The following NUP160 variants were observed in gnomAD, a reference collection of about 807,000 sequenced individuals.
NUP160 encodes nucleoporin 160.
Under a neutral mutation model 196.9 loss-of-function variants are expected in NUP160, and 94 were observed. That is an observed-to-expected ratio of 0.48 (90% confidence interval 0.40 to 0.57). The LOEUF (loss-of-function observed/expected upper bound fraction) is 0.57, where lower values mean the gene tolerates loss of function less well. Ranked by LOEUF, NUP160 falls within the 20% of genes least tolerant of loss-of-function variation. NUP160 has a pLI of 0.00. For missense variants in NUP160, 1,638 were observed against 1,748.3 expected, an observed-to-expected ratio of 0.94 and a Z score of 1.13; for synonymous variants, 605 against 619.7, an observed-to-expected ratio of 0.98 and a Z score of 0.35.
intron 13 of NUP160, among the ~76,000 whole-genome samples, chr11:47,813,972 G>A (rs1261447910): frequency 6.7e-6 from 1 of 149,366 alleles, no homozygotes; most frequent in East Asian, 2.0e-4. Flanking sequence ...TGGTGAGGCT[G>A]AGGCAGGAGA....
At chr11:47,814,355 C>A (rs2097683029) in intron 13 of NUP160, among the ~76,000 whole-genome samples, 1 of 151,484 alleles carries the variant, frequency 6.6e-6, no homozygotes, top group Non-Finnish European at 1.5e-5. Context: ...AGCCTGGTCA[C>A]AACATGGCGA....
chr11:47,819,380 G>A (rs755315268), exon 10 of NUP160: 1 of 1,605,868 alleles, frequency 6.2e-7, no homozygotes, highest in South Asian at 1.1e-5. Flanking sequence ...TTACTCTGGG[G>A]TCTTGATCAT....
At chr11:47,814,477 G>A (rs1250802639) in intron 13 of NUP160, among the ~76,000 whole-genome samples, 2 of 151,090 alleles carry the variant, frequency 1.3e-5, no homozygotes, top group Non-Finnish European at 2.9e-5. Flanking sequence ...GTAGGCGGAG[G>A]TTGCAGTGAG....
rs765124331 is a variant in NUP160 at position 47,815,950 on chromosome 11, T to C, written c.1511A>G (p.Asn504Ser). 6 of 1,611,786 alleles carry C rather than the reference T, an allele frequency of 3.7e-6. No individual in the cohort carries two copies. Among genetic ancestry groups the C allele is most frequent in the Non-Finnish European group, 5.1e-6 (6 of 1,178,022 alleles). ...CTTTCTCTACCCAAGCCTCACCTCA[T>C]TTTCAACAGCTAAAGTAACTTCTTT... is the stretch of plus-strand genomic sequence containing the variant. Residue 504 changes from asparagine to serine, a missense_variant, in exon 12 of 36, where the codon AAT becomes AGT. Asn to Ser is a conservative substitution (Grantham distance 46). Transcript: ENST00000378460.
exon 23 of NUP160, chr11:47,801,929 G>A: frequency 6.2e-7 from 1 of 1,613,488 alleles, no homozygotes; most frequent in Non-Finnish European, 8.5e-7. Flanking sequence ...ACATTCCAGA[G>A]CCTGGAGAAA....
At chr11:47,784,702 TTTATA>T in intron 33 of NUP160, 1 of 301,486 alleles carries the variant, frequency 3.3e-6, no homozygotes, top group East Asian at 5.1e-5. Context: ...TTTCTTTTTC[TTTATA>T]TATTTTTAAA....
chr11:47,830,990 C>T (rs1852062483), intron 7 of NUP160, among the ~76,000 whole-genome samples: 1 of 152,098 alleles, frequency 6.6e-6, no homozygotes, highest in South Asian at 2.1e-4. Flanking sequence ...ATGGTGAAAC[C>T]CCGTCTCTAC....
At chr11:47,819,859 A>C (rs981882693) in intron 9 of NUP160, among the ~76,000 whole-genome samples, 1 of 152,230 alleles carries the variant, frequency 6.6e-6, no homozygotes, top group Non-Finnish European at 1.5e-5. Context: ...TCTTTGAAGG[A>C]TATAGTACTC....
At position 47,787,427 on chromosome 11, in the gene NUP160, A is replaced by AT. The variant is rs2097665204; in HGVS notation, c.3746+754_3746+755insA. Among the ~76,000 whole-genome samples the AT allele has an allele frequency of 8.0e-5, 9 of 111,986 alleles. No homozygotes were observed. The South Asian group carries it at 9.8e-4, about 12-fold the overall frequency. The allele number at this position is 111,986 out of a possible 152,430, so 73.5% of individuals were successfully genotyped here. A position where few individuals can be genotyped will look rare whatever the true frequency, so the allele number is the denominator to read the frequency against. ...GTTCAAAATTATTTCTAATTCACAAACTTTTTTTTTTTTTTTTTTTGAAAC... is the reference window on the plus strand; with the variant it reads ...GTTCAAAATTATTTCTAATTCACAAATCTTTTTTTTTTTTTTTTTTTGAAAC... On this transcript the variant is annotated intron_variant, in intron 31 of 35. Coordinates refer to ENST00000378460, the Ensembl canonical transcript of NUP160.
intron 7 of NUP160, among the ~76,000 whole-genome samples, chr11:47,827,495 C>T (rs528098525): frequency 6.6e-5 from 10 of 151,882 alleles, no homozygotes; most frequent in Non-Finnish European, 8.8e-5. Flanking sequence ...AGGAATGAGG[C>T]AAAGATGCAT....
At chr11:47,796,014 C>T (rs543287645) in intron 27 of NUP160, among the ~76,000 whole-genome samples, 1 of 151,650 alleles carries the variant, frequency 6.6e-6, no homozygotes, top group Non-Finnish European at 1.5e-5. Context: ...ATTAACCGGG[C>T]GTGGTGGTAG....
At chr11:47,796,714 C>G (rs2097671077) in intron 27 of NUP160, among the ~76,000 whole-genome samples, 1 of 152,172 alleles carries the variant, frequency 6.6e-6, no homozygotes, top group African/African-American at 2.4e-5. Context: ...CATTTGATAA[C>G]TTCTAAATGT....
intron 20 of NUP160, among the ~76,000 whole-genome samples, chr11:47,804,973 AAAAT>A (rs2097676590): frequency 6.6e-6 from 1 of 152,114 alleles, no homozygotes; most frequent in South Asian, 2.1e-4. Context: ...CCTGTCTCTA[AAAAT>A]AAATAAATTT....
At chr11:47,818,564 C>T (rs567632736) in intron 10 of NUP160, among the ~76,000 whole-genome samples, 2 of 151,232 alleles carry the variant, frequency 1.3e-5, no homozygotes, top group South Asian at 4.2e-4. Flanking sequence ...CAAAACAAAA[C>T]AAACAGCAAT....
chr11:47,792,044 A>T, intron 28 of NUP160, 54 bp from the exon 29 acceptor site: 3 of 1,220,432 alleles, frequency 2.5e-6, no homozygotes, highest in South Asian at 1.3e-5. Context: ...TTATTCTGAT[A>T]TCATTAACGG....
At chr11:47,786,603 C>T (rs763662137) in intron 31 of NUP160, 49 bp from the exon 32 acceptor site, 6 of 1,142,438 alleles carry the variant, frequency 5.3e-6, no homozygotes, top group Admixed American at 1.7e-5. Context: ...TGAAACGTAC[C>T]ACTTTAATTT....
At chr11:47,834,608 A>ACCTTCTGGCCTTAC (rs1348861756) in intron 7 of NUP160, among the ~76,000 whole-genome samples, 59 of 152,298 alleles carry the variant, frequency 3.9e-4, no homozygotes, top group African/African-American at 1.4e-3. Flanking sequence ...GCCAGAAGGT[A>ACCTTCTGGCCTTAC]AGGGTCGGGG....
intron 13 of NUP160, among the ~76,000 whole-genome samples, chr11:47,814,140 T>TCAAA (rs111366014): frequency 0.59 from 85,455 of 144,102 alleles, 25,634 homozygotes; most frequent in Admixed American, 0.65. Flanking sequence ...AGACCCTGCC[T>TCAAA]CAAACAAACA....
intron 32 of NUP160, 148 bp downstream of exon 32, chr11:47,786,304 CT>C: frequency 2.0e-6 from 1 of 496,552 alleles, no homozygotes; most frequent in Non-Finnish European, 3.6e-6. Context: ...ATGATGTCAC[CT>C]TAATTATAAA....
Sources: allele counts gnomAD v4.1 joint callset (sites outside exome capture counted in the v4.1 genomes callset), GRCh38; gene constraint gnomAD v4.1.1; transcripts MANE v1.5; gene names NCBI Gene and HGNC (gene_info 2026-07-23, HGNC 2026-07-21).